KANTR: variants seen among roughly 807,000 people sequenced by gnomAD.
KANTR encodes the protein KANTR integral membrane protein, also known as KDM5C adjacent transcript.
intron 2 of KANTR, among the ~76,000 whole-genome samples, chrX:53,121,621 T>G (rs994212883): frequency 1.8e-5 from 2 of 110,171 alleles, no homozygotes; most frequent in East Asian, 2.8e-4. Flanking sequence ...TGTTTGTTTG[T>G]TTTTGGTTTT....
chrX:53,097,993 G>A (rs370617103), intron 1 of KANTR, among the ~76,000 whole-genome samples: 9 of 99,885 alleles, frequency 9.0e-5, no homozygotes, highest in African/African-American at 3.4e-4. Flanking sequence ...AGACGTTGCA[G>A]TGAGCTGAGA....
At chrX:53,098,050 C>CAAAAAAAAA (rs782145330) in intron 1 of KANTR, among the ~76,000 whole-genome samples, 15 of 44,111 alleles carry the variant, frequency 3.4e-4, no homozygotes, top group African/African-American at 6.2e-4. Context: ...GACTCTGTCT[C>CAAAAAAAAA]AAAAAAAAAA....
At chrX:53,098,067 A>G (rs1207135433) in intron 1 of KANTR, among the ~76,000 whole-genome samples, 11 of 107,305 alleles carry the variant, frequency 1.0e-4, no homozygotes, top group South Asian at 8.0e-4. Flanking sequence ...AAAAAAAAAA[A>G]AAAGAAAGAA....
chrX:53,138,171 T>C (rs1933451474), intron 2 of KANTR, among the ~76,000 whole-genome samples: 1 of 109,342 alleles, frequency 9.1e-6, no homozygotes, highest in Non-Finnish European at 1.9e-5. Context: ...CAGGTTCAAG[T>C]GATTCTCCTG....
At chrX:53,145,550 C>G (rs1339801160), downstream of KANTR, among the ~76,000 whole-genome samples, 1 of 112,161 alleles carries the variant, frequency 8.9e-6, no homozygotes, top group Non-Finnish European at 1.9e-5. Flanking sequence ...GCCTGCCTGT[C>G]TCTGTAGACT....
chrX:53,100,461 T>C (rs1436845675), intron 2 of KANTR, among the ~76,000 whole-genome samples: 16 of 79,017 alleles, frequency 2.0e-4, no homozygotes, highest in East Asian at 7.7e-4. Flanking sequence ...GCCTGGGCAA[T>C]AAGAGTGAAA....
At chrX:53,108,421 C>T (rs1015831844) in intron 2 of KANTR, among the ~76,000 whole-genome samples, 1 of 110,137 alleles carries the variant, frequency 9.1e-6, no homozygotes, top group African/African-American at 3.3e-5. Context: ...AGGCTGGTCT[C>T]GAACTCCTGG....
At chrX:53,132,328 T>C (rs782624645), downstream of KANTR, among the ~76,000 whole-genome samples, 2 of 111,428 alleles carry the variant, frequency 1.8e-5, no homozygotes, top group East Asian at 5.6e-4. Context: ...TCCCACAGGA[T>C]TAGGACTATC....
At chrX:53,096,605 C>T (rs1284631235) in intron 1 of KANTR, among the ~76,000 whole-genome samples, 10 of 111,680 alleles carry the variant, frequency 9.0e-5, no homozygotes, top group South Asian at 3.7e-4. Flanking sequence ...GTGGGCAGAT[C>T]GCTTGAGTCC....
At chrX:53,120,145 C>T (rs1355262494) in intron 2 of KANTR, among the ~76,000 whole-genome samples, 2 of 111,158 alleles carry the variant, frequency 1.8e-5, no homozygotes, top group African/African-American at 6.5e-5. Flanking sequence ...AGCAGTTCTC[C>T]CACCTCAGCC....
chrX:53,130,378 G>C (rs1933346336), downstream of KANTR, among the ~76,000 whole-genome samples: 1 of 111,824 alleles, frequency 8.9e-6, no homozygotes, highest in Non-Finnish European at 1.9e-5. Context: ...TGCGAGTATG[G>C]TAGTGCAGTG....
At chrX:53,107,627 A>C (rs1391334839) in intron 2 of KANTR, among the ~76,000 whole-genome samples, 2 of 109,753 alleles carry the variant, frequency 1.8e-5, no homozygotes, top group Non-Finnish European at 3.8e-5. Context: ...CAAGTCTTGC[A>C]GTTCCTTTGT....
At chrX:53,110,156 T>C (rs782777847) in intron 2 of KANTR, among the ~76,000 whole-genome samples, 1 of 112,118 alleles carries the variant, frequency 8.9e-6, no homozygotes, top group African/African-American at 3.2e-5. Flanking sequence ...CCAATTTGGG[T>C]GCCTTTTATT....
At chrX:53,143,506 G>A, downstream of KANTR, 1 of 602,856 alleles carries the variant, frequency 1.7e-6, no homozygotes, top group South Asian at 2.2e-5. Flanking sequence ...ACACGGCCTG[G>A]ATGGCCACAT....
intron 2 of KANTR, among the ~76,000 whole-genome samples, chrX:53,105,540 A>C (rs1009049104): frequency 3.0e-4 from 32 of 107,252 alleles, no homozygotes; most frequent in Non-Finnish European, 5.8e-4. Context: ...TCCAGGGTGG[A>C]GTGCAGTGGT....
intron 2 of KANTR, among the ~76,000 whole-genome samples, chrX:53,118,587 C>T (rs782304770): frequency 1.7e-4 from 19 of 109,548 alleles, no homozygotes; most frequent in Middle Eastern, 4.7e-3. Context: ...ATGATGAAAC[C>T]GCATCTCTAC....
exon 3 of KANTR, chrX:53,141,870 A>G (rs1324070231): frequency 9.4e-6 from 4 of 425,713 alleles, no homozygotes; most frequent in African/African-American, 2.7e-5. Flanking sequence ...ACCGCTTCCA[A>G]CTCAAGGCAA....
At chrX:53,143,294 G>A (rs782311530), downstream of KANTR, 79 of 607,418 alleles carry the variant, frequency 1.3e-4, no homozygotes, top group East Asian at 8.9e-4. Flanking sequence ...CGTTGATGTC[G>A]CGCACAATCT....
At chrX:53,103,518 G>A (rs1289073503) in intron 2 of KANTR, among the ~76,000 whole-genome samples, 2 of 110,644 alleles carry the variant, frequency 1.8e-5, no homozygotes, top group East Asian at 5.7e-4. Context: ...ATTCCTGGGC[G>A]GACAGTCTCA....
Sources: gnomAD v4.1 joint callset for allele counts (sites outside exome capture counted in the v4.1 genomes callset) on GRCh38, gnomAD v4.1.1 for gene constraint, MANE v1.5 for transcripts, NCBI Gene and HGNC (gene_info 2026-07-23, HGNC 2026-07-21) for gene names.